The following ZNF10 variants were observed in gnomAD, a reference collection of about 807,000 sequenced individuals.
ZNF10 encodes zinc finger protein 10 (KOX 1).
A neutral mutation model predicts 12.2 loss-of-function variants in ZNF10; 8 were observed. The observed-to-expected ratio is 0.66, with a 90% CI of 0.39 to 1.18. ZNF10 has a LOEUF of 1.18. Among genes scored for constraint, ZNF10 ranks in the 50% most tolerant of loss-of-function variants. The probability of loss-of-function intolerance (pLI) is 0.01; values close to 1 mark genes in which losing one functional copy is unlikely to be tolerated. For missense variants in ZNF10, 603 were observed against 678.9 expected (o/e 0.89, Z 1.24); for synonymous variants, 229 against 228.2 (o/e 1.00, Z -0.03).
intron 1 of ZNF10, among the ~76,000 whole-genome samples, chr12:133,133,466 G>A (rs1339765845): frequency 1.3e-5 from 2 of 152,198 alleles, no homozygotes; most frequent in Admixed American, 6.5e-5. Context: ...GAATGAGATT[G>A]TCCTAATTCT....
At chr12:133,140,587 TTTG>T (rs1424221091) in intron 1 of ZNF10, among the ~76,000 whole-genome samples, 5 of 152,108 alleles carry the variant, frequency 3.3e-5, no homozygotes, top group Non-Finnish European at 5.9e-5. Flanking sequence ...TTTTGTCTGT[TTTG>T]TTGTTGTTGG....
At chr12:133,133,449 G>A (rs1488133168) in intron 1 of ZNF10, among the ~76,000 whole-genome samples, 1 of 152,190 alleles carries the variant, frequency 6.6e-6, no homozygotes, top group African/African-American at 2.4e-5. Flanking sequence ...CCTCTTCCCA[G>A]GATTTAGAAT....
At position 133,155,793 on chromosome 12, in the gene ZNF10, G is replaced by A; in HGVS notation, c.547G>A (p.Glu183Lys). Residue 183 changes from glutamate (E) to lysine (K), a missense_variant, in exon 5 of 5, where the codon GAG becomes AAG. Glu to Lys is a moderately conservative substitution (Grantham distance 56). This residue lies in a region of ZNF10 where 393 missense variants were observed against 399.7 expected (regional missense o/e 0.98). Coordinates refer to ENST00000248211, the MANE Select transcript of ZNF10 (RefSeq NM_015394.5). ...CLLPAQLVLREYFHKRDSHTK... is the reference protein window; with the variant it reads ...CLLPAQLVLRKYFHKRDSHTK... Reference sequence around the variant, plus strand: ...TCTTCCTGCTCAGCTAGTACTGAGAGAGTATTTCCATAAACGTGACTCACA... The same window carrying A: ...TCTTCCTGCTCAGCTAGTACTGAGAAAGTATTTCCATAAACGTGACTCACA... 1 of 1,613,858 alleles carries A rather than the reference G, an allele frequency of 6.2e-7. No homozygotes were observed. The highest frequency in any genetic ancestry group is 1.1e-5 in the South Asian group (1 of 91,028).
intron 1 of ZNF10, among the ~76,000 whole-genome samples, chr12:133,137,748 G>T (rs1442031360): frequency 6.6e-6 from 1 of 152,090 alleles, no homozygotes; most frequent in Non-Finnish European, 1.5e-5. Flanking sequence ...ACAGAGCTAG[G>T]AATATAAGTG....
At chr12:133,133,579 G>A (rs982992550) in intron 1 of ZNF10, among the ~76,000 whole-genome samples, 3 of 152,192 alleles carry the variant, frequency 2.0e-5, no homozygotes, top group African/African-American at 7.2e-5. Context: ...CATGTTTACG[G>A]ATGATAGAAC....
intron 1 of ZNF10, among the ~76,000 whole-genome samples, chr12:133,133,541 G>A (rs1018538410): frequency 6.6e-6 from 1 of 152,236 alleles, no homozygotes; most frequent in Non-Finnish European, 1.5e-5. Context: ...GCGTTGAAGT[G>A]CTGGAATAGG....
intron 1 of ZNF10, among the ~76,000 whole-genome samples, chr12:133,142,648 A>G (rs1324465653): frequency 6.6e-6 from 1 of 152,160 alleles, no homozygotes; most frequent in East Asian, 1.9e-4. Context: ...ATGAGATGTC[A>G]CTTCATCCTT....
chr12:133,132,269 A>ATTTT (rs34602690), intron 1 of ZNF10, among the ~76,000 whole-genome samples: 2 of 141,084 alleles, frequency 1.4e-5, no homozygotes, highest in African/African-American at 5.2e-5. Flanking sequence ...AAATCTGAGA[A>ATTTT]TTTTTTTTTT....
At chr12:133,150,805 C>T (rs984981470) in intron 2 of ZNF10, among the ~76,000 whole-genome samples, 5 of 152,056 alleles carry the variant, frequency 3.3e-5, no homozygotes, top group Non-Finnish European at 7.4e-5. Context: ...TTTCTTTAAC[C>T]TAAAGCATCA....
At chr12:133,135,230 A>G (rs890436659) in intron 1 of ZNF10, among the ~76,000 whole-genome samples, 8 of 152,136 alleles carry the variant, frequency 5.3e-5, no homozygotes, top group Non-Finnish European at 8.8e-5. Context: ...TACTGGGAAG[A>G]TTATTGGATC....
chr12:133,145,039 T>C, intron 2 of ZNF10: 1 of 304,458 alleles, frequency 3.3e-6, no homozygotes, highest in South Asian at 2.5e-5. Flanking sequence ...TGTGCCACTA[T>C]GCCTGGCTAA....
chr12:133,136,310 CTT>C (rs1955911251), intron 1 of ZNF10, among the ~76,000 whole-genome samples: 1 of 152,194 alleles, frequency 6.6e-6, no homozygotes, highest in South Asian at 2.1e-4. Context: ...CACTTCCAAA[CTT>C]TTCATTCCTA....
At chr12:133,155,350 G>A (rs979308394) in intron 4 of ZNF10, among the ~76,000 whole-genome samples, 153 bp from the exon 5 acceptor site, 1 of 151,982 alleles carries the variant, frequency 6.6e-6, no homozygotes, top group Non-Finnish European at 1.5e-5. Flanking sequence ...ATTGTTTACC[G>A]CTCCATTCTT....
intron 2 of ZNF10, among the ~76,000 whole-genome samples, chr12:133,145,864 A>T (rs1955973317): frequency 6.6e-6 from 1 of 150,764 alleles, no homozygotes; most frequent in African/African-American, 2.4e-5. Flanking sequence ...AGATGTACAG[A>T]TTTGACCACA....
intron 2 of ZNF10, among the ~76,000 whole-genome samples, chr12:133,148,390 G>A (rs575971150): frequency 1.3e-5 from 2 of 152,302 alleles, no homozygotes; most frequent in South Asian, 4.1e-4. Flanking sequence ...CAGAGTGCTG[G>A]GATTACAGGC....
intron 1 of ZNF10, among the ~76,000 whole-genome samples, chr12:133,133,403 G>C (rs2137636570): frequency 6.6e-6 from 1 of 152,346 alleles, no homozygotes; most frequent in Middle Eastern, 3.4e-3. Flanking sequence ...TCACATGTCA[G>C]AGTGAATGAA....
chr12:133,145,194 A>G (rs1159057695), intron 2 of ZNF10, among the ~76,000 whole-genome samples: 1 of 152,204 alleles, frequency 6.6e-6, no homozygotes, highest in Non-Finnish European at 1.5e-5. Context: ...TTATTCGTTT[A>G]CAATTATATT....
Position 133,156,923 on chromosome 12 carries a change from C to A in ZNF10, c.1677C>A (p.Asn559Lys). The A allele has an allele frequency of 6.8e-7, 1 of 1,462,164 alleles. No individual in the cohort carries two copies. Among genetic ancestry groups the A allele is most frequent in the South Asian group, 1.6e-5 (1 of 61,298 alleles). 90.6% of individuals were successfully genotyped at this position (1,462,164 alleles called of 1,614,324 possible). A position where few individuals can be genotyped will look rare whatever the true frequency, so the allele number is the denominator to read the frequency against. ...QCGTALVNTS[N>K]LIGYQTNHIR... ...GGACAGCGCTTGTTAATACCTCTAA[C>A]CTTATTGGATACCAGACAAATCATA... Residue 559 changes from asparagine (N) to lysine (K), a missense_variant, in exon 5 of 5, where the codon AAC (asparagine) becomes AAA (lysine). By Grantham distance (94) the Asn-to-Lys change is moderately conservative (BLOSUM62 0). This residue lies in a region of ZNF10 where 204 missense variants were observed against 262.8 expected (regional missense o/e 0.78). Transcript: ENST00000248211.
At chr12:133,147,608 GTTTTTT>G (rs149592494) in intron 2 of ZNF10, among the ~76,000 whole-genome samples, 3 of 117,118 alleles carry the variant, frequency 2.6e-5, no homozygotes, top group Non-Finnish European at 5.1e-5. Flanking sequence ...TGTTTTCTGA[GTTTTTT>G]TTTTTTTTTT....
Sources: allele counts gnomAD v4.1 joint callset (sites outside exome capture counted in the v4.1 genomes callset), GRCh38; gene constraint gnomAD v4.1.1; regional missense constraint gnomAD v4.1.1; transcripts MANE v1.5; gene names NCBI Gene and HGNC (gene_info 2026-07-23, HGNC 2026-07-21).